The following RASGRP1 variants were observed in gnomAD, a reference collection of about 807,000 sequenced individuals.
The protein encoded by RASGRP1 is RAS guanyl releasing protein 1, also known as RAS guanyl-releasing protein 1.
In RASGRP1, 37 loss-of-function variants were observed where a neutral mutation model predicts 95.1. That is an observed-to-expected ratio of 0.39 (90% confidence interval 0.30 to 0.51). The LOEUF (loss-of-function observed/expected upper bound fraction) is 0.51, where lower values mean the gene tolerates loss of function less well. Among genes scored for constraint, RASGRP1 ranks in the 20% least tolerant of loss-of-function variants. The pLI, the probability that RASGRP1 is intolerant of heterozygous loss-of-function variation, is 0.80. For synonymous variants in RASGRP1, 325 were observed against 353.4 expected (o/e 0.92, Z 0.90); for missense variants, 711 against 965.4 (o/e 0.74, Z 3.49).
intron 5 of RASGRP1, among the ~76,000 whole-genome samples, 186 bp from the exon 6 acceptor site, chr15:38,516,536 A>G (rs1891793612): frequency 6.6e-6 from 1 of 152,198 alleles, no homozygotes; most frequent in Admixed American, 6.5e-5. Context: ...AGCCTCCAGG[A>G]GGTCTTGCTG....
At chr15:38,498,998 C>T in intron 14 of RASGRP1, 52 bp from the exon 15 acceptor site, 2 of 1,612,132 alleles carry the variant, frequency 1.2e-6, no homozygotes, top group Non-Finnish European at 1.7e-6. Context: ...CTCTCTTCCC[C>T]AGTGTGTCTC....
chr15:38,564,725 C>G lies in RASGRP1; in HGVS notation c.-97G>C. Reference sequence around the variant, plus strand: ...CGCCGCCGCCTGCCGGCTCTCTCCCCCCCGGGCCTCGTAGCCCCGGCGCCC... The same window carrying G: ...CGCCGCCGCCTGCCGGCTCTCTCCCGCCCGGGCCTCGTAGCCCCGGCGCCC... On this transcript the variant is annotated 5_prime_UTR_variant, in exon 1 of 17. Coordinates refer to ENST00000310803, the MANE Select transcript of RASGRP1 (RefSeq NM_005739.4). The G allele has an allele frequency of 9.4e-7, 1 of 1,058,876 alleles. No homozygotes were observed. Among genetic ancestry groups the G allele is most frequent in the Non-Finnish European group, 1.2e-6 (1 of 853,566 alleles). 65.6% of individuals were successfully genotyped at this position (1,058,876 alleles called of 1,614,324 possible).
chr15:38,504,088 T>C (rs1595829965), intron 10 of RASGRP1: 2 of 152,194 alleles, frequency 1.3e-5, no homozygotes, highest in Non-Finnish European at 2.9e-5. Context: ...AAATATGGTA[T>C]AGAAATTTTT....
intron 2 of RASGRP1, among the ~76,000 whole-genome samples, chr15:38,545,412 A>C (rs1335950504): frequency 6.6e-6 from 1 of 152,126 alleles, no homozygotes; most frequent in Admixed American, 6.6e-5. Flanking sequence ...CTCCTTCCCC[A>C]GATTCCGTCA....
At chr15:38,529,831 C>T (rs945317098) in intron 2 of RASGRP1, among the ~76,000 whole-genome samples, 2 of 152,148 alleles carry the variant, frequency 1.3e-5, no homozygotes, top group Non-Finnish European at 1.5e-5. Flanking sequence ...CTATTTCATT[C>T]GTGAAATGTA....
chr15:38,559,654 C>G (rs1009339839), intron 2 of RASGRP1, among the ~76,000 whole-genome samples, 167 bp downstream of exon 2: 1 of 152,254 alleles, frequency 6.6e-6, no homozygotes, highest in Non-Finnish European at 1.5e-5. Context: ...ATTACACCCA[C>G]ATAGTCATGT....
chr15:38,546,012 T>C (rs1168363833), intron 2 of RASGRP1, among the ~76,000 whole-genome samples: 1 of 152,188 alleles, frequency 6.6e-6, no homozygotes, highest in Non-Finnish European at 1.5e-5. Context: ...TATGACACCA[T>C]CCTGGTAATT....
intron 2 of RASGRP1, among the ~76,000 whole-genome samples, chr15:38,546,247 C>A (rs938799185): frequency 1.3e-5 from 2 of 151,928 alleles, no homozygotes; most frequent in African/African-American, 2.4e-5. Context: ...GAGATGGAGT[C>A]CCGCTCTGTC....
intron 3 of RASGRP1, among the ~76,000 whole-genome samples, chr15:38,521,709 T>C (rs908212266): frequency 6.6e-5 from 10 of 152,200 alleles, no homozygotes; most frequent in Non-Finnish European, 1.3e-4. Flanking sequence ...TCTTCATAGC[T>C]AGTACTGTGG....
intron 3 of RASGRP1, among the ~76,000 whole-genome samples, chr15:38,521,389 CCTT>C (rs1238899901): frequency 9.8e-5 from 15 of 152,296 alleles, no homozygotes; most frequent in African/African-American, 3.6e-4. Flanking sequence ...CCCAGTGGCT[CCTT>C]ATCCTTCCCT....
At chr15:38,511,017 T>C (rs940390425) in intron 8 of RASGRP1, among the ~76,000 whole-genome samples, 15 of 152,192 alleles carry the variant, frequency 9.9e-5, no homozygotes, top group Admixed American at 2.6e-4. Flanking sequence ...TAAAAGTATA[T>C]TCTGTAAAAT....
intron 15 of RASGRP1, among the ~76,000 whole-genome samples, chr15:38,497,575 C>T (rs902829372): frequency 1.9e-4 from 29 of 152,204 alleles, no homozygotes; most frequent in African/African-American, 6.5e-4. Flanking sequence ...GTACAGCGAT[C>T]TCTCTGCTAT....
intron 16 of RASGRP1, among the ~76,000 whole-genome samples, chr15:38,491,501 G>A (rs1304461857): frequency 1.3e-5 from 2 of 152,142 alleles, no homozygotes; most frequent in Non-Finnish European, 1.5e-5. Flanking sequence ...AAACTGCAGA[G>A]TTGAGCCTTG....
chr15:38,542,075 T>C (rs534193459), intron 2 of RASGRP1, among the ~76,000 whole-genome samples: 1 of 152,130 alleles, frequency 6.6e-6, no homozygotes, highest in East Asian at 1.9e-4. Context: ...GTGCCTATAA[T>C]CCCAGCACTC....
chr15:38,527,706 G>A (rs1051986181), intron 2 of RASGRP1, among the ~76,000 whole-genome samples: 3 of 152,098 alleles, frequency 2.0e-5, no homozygotes, highest in Admixed American at 6.6e-5. Context: ...TGCTTCAAAT[G>A]TACCAAATGG....
rs1333003886 is a variant in RASGRP1 at position 38,564,649 on chromosome 15, G to A, written c.-21C>T. On this transcript the variant is annotated 5_prime_UTR_variant, in exon 1 of 17. Coordinates refer to ENST00000310803, the MANE Select transcript of RASGRP1 (RefSeq NM_005739.4). ...CCCATGGCCGCGGCCCGCGCTCCCG[G>A]TGCCGGCTCACCTAGCGCGGCCGGG... is the stretch of plus-strand genomic sequence containing the variant. 63 of 1,312,396 alleles carry A rather than the reference G, an allele frequency of 4.8e-5. No individual in the cohort carries two copies. Among genetic ancestry groups the A allele is most frequent in the Non-Finnish European group, 6.1e-5 (63 of 1,025,222 alleles). The allele number at this position is 1,312,396 out of a possible 1,614,324, so 81.3% of individuals were successfully genotyped here. A position where few individuals can be genotyped will look rare whatever the true frequency, so the allele number is the denominator to read the frequency against.
At position 38,488,949 on chromosome 15, in the gene RASGRP1, G is replaced by A. The variant is rs963066077; in HGVS notation, c.*1605C>T. The A allele has an allele frequency of 3.9e-5, 6 of 151,988 alleles. No individual in the cohort carries two copies. The highest frequency in any genetic ancestry group is 1.4e-4 in the African/African-American group (6 of 41,422). The allele number at this position is 151,988 out of a possible 1,614,324, so 9.4% of individuals were successfully genotyped here. On this transcript the variant is annotated 3_prime_UTR_variant, in exon 17 of 17. Transcript: ENST00000310803. ...GTAAAACTATTCTTTATAATGTAATGAAACACTAACTACAAGCTAGTTCTA... is the reference window on the plus strand; with the variant it reads ...GTAAAACTATTCTTTATAATGTAATAAAACACTAACTACAAGCTAGTTCTA...
At chr15:38,502,664 T>G (rs1033137717) in intron 11 of RASGRP1, among the ~76,000 whole-genome samples, 1 of 152,160 alleles carries the variant, frequency 6.6e-6, no homozygotes, top group Non-Finnish European at 1.5e-5. Flanking sequence ...AATTATACTA[T>G]CACGCTGGCT....
intron 9 of RASGRP1, among the ~76,000 whole-genome samples, chr15:38,506,686 T>C (rs895561542): frequency 6.8e-5 from 10 of 147,922 alleles, no homozygotes; most frequent in African/African-American, 2.5e-4. Context: ...CTTAGAACTA[T>C]AAAATTTTAG....
Sources: gnomAD v4.1 joint callset for allele counts (sites outside exome capture counted in the v4.1 genomes callset) on GRCh38, gnomAD v4.1.1 for gene constraint, MANE v1.5 for transcripts, NCBI Gene and HGNC (gene_info 2026-07-23, HGNC 2026-07-21) for gene names.